Variants in USP34 observed in about 807,000 individuals in gnomAD.
USP34 encodes ubiquitin carboxyl-terminal hydrolase 34.
In USP34, 70 loss-of-function variants were observed where a neutral mutation model predicts 460.3. That is an observed-to-expected ratio of 0.15 (90% CI 0.13 to 0.19). USP34 has a LOEUF of 0.19. Ranked by LOEUF, USP34 falls within the 10% of genes least tolerant of loss-of-function variation. The probability of loss-of-function intolerance (pLI) is 1.00; values close to 1 mark genes in which losing one functional copy is unlikely to be tolerated. For missense variants in USP34, 3,985 were observed against 4,236.2 expected, an observed-to-expected ratio of 0.94 and a Z score of 1.65; for synonymous variants, 1,647 against 1,405.3, an observed-to-expected ratio of 1.17 and a Z score of -3.85.
intron 1 of USP34, among the ~76,000 whole-genome samples, chr2:61,435,936 G>A (rs915516596): frequency 6.6e-6 from 1 of 152,148 alleles, no homozygotes; most frequent in Admixed American, 6.6e-5. Flanking sequence ...GCTTAGGCAG[G>A]AGAATCGCTT....
chr2:61,429,759 T>C (rs1400255333), intron 1 of USP34, among the ~76,000 whole-genome samples: 3 of 152,118 alleles, frequency 2.0e-5, no homozygotes, highest in African/African-American at 7.2e-5. Context: ...CAGATGTAAG[T>C]AGTACATAAA....
chr2:61,326,583 A>C (rs1691097087), intron 20 of USP34, among the ~76,000 whole-genome samples: 1 of 151,992 alleles, frequency 6.6e-6, no homozygotes, highest in South Asian at 2.1e-4. Context: ...TGCATATTTA[A>C]CTGTGTCTAT....
intron 75 of USP34, among the ~76,000 whole-genome samples, chr2:61,194,421 G>T (rs1422125648): frequency 6.6e-6 from 1 of 152,226 alleles, no homozygotes; most frequent in Non-Finnish European, 1.5e-5. Flanking sequence ...TCAAAGTAGA[G>T]GAAGGGTTAG....
intron 37 of USP34, among the ~76,000 whole-genome samples, chr2:61,282,007 T>G (rs957318665): frequency 8.5e-5 from 13 of 152,194 alleles, no homozygotes; most frequent in African/African-American, 3.1e-4. Flanking sequence ...GTTTTGTTTT[T>G]AAGACAGAGT....
chr2:61,316,444 G>C (rs948986608), intron 23 of USP34, among the ~76,000 whole-genome samples: 1 of 151,662 alleles, frequency 6.6e-6, no homozygotes, highest in South Asian at 2.1e-4. Context: ...AATTAGCTGG[G>C]CGTGGTGGTG....
In USP34 at chr2:61,319,331, G is replaced by T; in HGVS notation, c.3014-4C>A. On this transcript the variant is annotated splice_region_variant and splice_polypyrimidine_tract_variant and intron_variant, in intron 21 of 79. Transcript: ENST00000398571. The stretch of plus-strand genomic sequence containing the variant: ...TCAACTTGCTCTAAACTTAACCCTA[G>T]ATAAAAATTATAAATTTTATACTTT... 1 of 1,521,278 alleles carries T rather than the reference G, an allele frequency of 6.6e-7. No individual in the cohort carries two copies. The allele number at this position is 1,521,278 out of a possible 1,614,324, so 94.2% of individuals were successfully genotyped here.
At chr2:61,239,153 ATATTC>A (rs1484063559) in intron 53 of USP34, among the ~76,000 whole-genome samples, 1 of 151,978 alleles carries the variant, frequency 6.6e-6, no homozygotes, top group Non-Finnish European at 1.5e-5. Context: ...TCAGGCCTCC[ATATTC>A]TCTGAGACAA....
chr2:61,331,440 G>T, intron 19 of USP34, 69 bp from the exon 20 acceptor site: 2 of 1,233,370 alleles, frequency 1.6e-6, no homozygotes, highest in South Asian at 1.9e-5. Flanking sequence ...TGCTATGACA[G>T]TAAATATGCA....
chr2:61,279,881 A>G (rs749225400), intron 39 of USP34, among the ~76,000 whole-genome samples: 7 of 152,220 alleles, frequency 4.6e-5, no homozygotes, highest in Non-Finnish European at 1.0e-4. Context: ...TTCTATCTGA[A>G]CTGCAATTTT....
chr2:61,368,851 A>T (rs991977812), intron 10 of USP34, among the ~76,000 whole-genome samples: 2 of 152,212 alleles, frequency 1.3e-5, no homozygotes, highest in African/African-American at 4.8e-5. Flanking sequence ...AACTACAACC[A>T]CAAATATGAA....
intron 5 of USP34, among the ~76,000 whole-genome samples, chr2:61,385,990 C>CT (rs1174066848): frequency 8.0e-6 from 1 of 125,612 alleles, no homozygotes; most frequent in Non-Finnish European, 1.6e-5. Flanking sequence ...AAGTGAGACT[C>CT]TGTCTCCAAA....
intron 5 of USP34, among the ~76,000 whole-genome samples, chr2:61,385,358 G>C (rs879444879): frequency 2.0e-5 from 3 of 152,014 alleles, no homozygotes; most frequent in Admixed American, 6.6e-5. Context: ...AAAGCACAAA[G>C]GTCCAAGAAT....
chr2:61,379,271 C>T (rs747352824), intron 7 of USP34, among the ~76,000 whole-genome samples: 4 of 152,176 alleles, frequency 2.6e-5, no homozygotes, highest in Non-Finnish European at 4.4e-5. Context: ...GTAATCCCAA[C>T]ACTTTGGGAG....
At chr2:61,251,414 T>C (rs1461981843) in intron 48 of USP34, among the ~76,000 whole-genome samples, 2 of 152,236 alleles carry the variant, frequency 1.3e-5, no homozygotes, top group Non-Finnish European at 2.9e-5. Flanking sequence ...TATTGTTTAA[T>C]TTAAATGAAT....
intron 51 of USP34, among the ~76,000 whole-genome samples, chr2:61,242,350 GTT>G (rs973390193): frequency 2.0e-5 from 3 of 151,830 alleles, no homozygotes; most frequent in Non-Finnish European, 2.9e-5. Context: ...AGATGAAATG[GTT>G]TTGTCAGTAC....
intron 1 of USP34, among the ~76,000 whole-genome samples, chr2:61,440,142 G>T (rs1694924161): frequency 6.6e-6 from 1 of 152,126 alleles, no homozygotes; most frequent in African/African-American, 2.4e-5. Flanking sequence ...TCCCTCCCGA[G>T]CACTCATCTA....
chr2:61,298,415 G>A (rs1267297981), intron 29 of USP34, among the ~76,000 whole-genome samples: 2 of 146,124 alleles, frequency 1.4e-5, no homozygotes, highest in Non-Finnish European at 3.0e-5. Context: ...GCGTGCGCCT[G>A]TAGTCCCAGC....
chr2:61,239,348 ACACAG>A (rs1200503694), intron 53 of USP34, among the ~76,000 whole-genome samples: 4 of 146,628 alleles, frequency 2.7e-5, no homozygotes, highest in African/African-American at 5.1e-5. Context: ...ACACACACAC[ACACAG>A]AAGTTTGAGA....
intron 10 of USP34, among the ~76,000 whole-genome samples, chr2:61,367,908 A>G (rs928674185): frequency 6.6e-6 from 1 of 152,236 alleles, no homozygotes; most frequent in Non-Finnish European, 1.5e-5. Context: ...GAAGAAATAA[A>G]TAAGACAGAA....
Sources: allele counts gnomAD v4.1 joint callset (sites outside exome capture counted in the v4.1 genomes callset), GRCh38; gene constraint gnomAD v4.1.1; transcripts MANE v1.5; gene names NCBI Gene and HGNC (gene_info 2026-07-23, HGNC 2026-07-21).